PPM1A: variants seen among roughly 807,000 people sequenced by gnomAD.
PPM1A encodes protein phosphatase 1A.
Under a neutral mutation model 35.0 loss-of-function variants are expected in PPM1A, and 7 were observed. The observed-to-expected ratio is 0.20, with a 90% CI of 0.11 to 0.38. The LOEUF (loss-of-function observed/expected upper bound fraction) is 0.38. PPM1A is among the 10% of genes least tolerant of loss of function. The pLI is 1.00. For synonymous variants in PPM1A, 153 were observed against 167.3 expected (o/e 0.91, Z 0.66); for missense variants, 239 against 467.8 (o/e 0.51, Z 4.51).
At chr14:60,255,842 T>G (rs1883063513) in intron 1 of PPM1A, among the ~76,000 whole-genome samples, 1 of 152,256 alleles carries the variant, frequency 6.6e-6, no homozygotes, top group Non-Finnish European at 1.5e-5. Context: ...AAGCTTCATT[T>G]TAACTTCCTA....
intron 1 of PPM1A, among the ~76,000 whole-genome samples, chr14:60,256,377 G>A (rs1034445539): frequency 4.6e-5 from 7 of 152,148 alleles, no homozygotes; most frequent in Non-Finnish European, 7.3e-5. Context: ...AGGTTGCAGT[G>A]AGCCAAGATT....
In PPM1A at chr14:60,295,657, A is replaced by G. The variant is rs1888001538; in HGVS notation, c.*3175A>G. 1 of 151,702 alleles carries G rather than the reference A, an allele frequency of 6.6e-6. No individual in the cohort carries two copies. Among genetic ancestry groups the G allele is most frequent in the Non-Finnish European group, 1.5e-5 (1 of 67,692 alleles). 9.4% of individuals were successfully genotyped at this position (151,702 alleles called of 1,614,324 possible). On this transcript the variant is annotated 3_prime_UTR_variant, in exon 6 of 6. Transcript: ENST00000395076. ...TAAAACACTGTTCTAGGCTAAGCAC[A>G]TTGGGACTGTAAAGAAATGAGTAGA...
chr14:60,253,591 A>G (rs562206506), intron 1 of PPM1A, among the ~76,000 whole-genome samples: 8 of 152,316 alleles, frequency 5.3e-5, no homozygotes, highest in South Asian at 2.1e-4. Flanking sequence ...AAGCAAGTCC[A>G]TGTTAGTTTA....
intron 1 of PPM1A, among the ~76,000 whole-genome samples, chr14:60,259,030 A>G (rs767471130): frequency 3.9e-5 from 6 of 152,124 alleles, no homozygotes; most frequent in Admixed American, 3.9e-4. Context: ...AGGTGTGGCT[A>G]TTCAAGTATA....
At chr14:60,257,541 TAAAC>T (rs1388887395) in intron 1 of PPM1A, among the ~76,000 whole-genome samples, 1 of 152,236 alleles carries the variant, frequency 6.6e-6, no homozygotes, top group Non-Finnish European at 1.5e-5. Context: ...GGGATGTAAG[TAAAC>T]ATTCTTTTTT....
At chr14:60,281,920 T>C (rs921615815) in intron 1 of PPM1A, among the ~76,000 whole-genome samples, 7 of 152,252 alleles carry the variant, frequency 4.6e-5, no homozygotes, top group African/African-American at 1.7e-4. Flanking sequence ...AATTTTGTTA[T>C]ATATGTATAC....
chr14:60,256,417 G>A (rs1485313550), intron 1 of PPM1A, among the ~76,000 whole-genome samples: 2 of 151,906 alleles, frequency 1.3e-5, no homozygotes, highest in East Asian at 3.8e-4. Context: ...TGGCAACAGA[G>A]CAAGACATCG....
intron 5 of PPM1A, 128 bp downstream of exon 5, chr14:60,291,582 G>A: frequency 1.6e-6 from 1 of 625,432 alleles, no homozygotes; most frequent in Non-Finnish European, 2.5e-6. Context: ...TGATTGCTCT[G>A]AACTCTGCTT....
upstream of PPM1A, chr14:60,246,108 G>A: frequency 6.9e-7 from 1 of 1,440,200 alleles, no homozygotes; most frequent in Non-Finnish European, 9.3e-7. Flanking sequence ...CTCTTGAGTA[G>A]TGACTGGCTT....
intron 1 of PPM1A, among the ~76,000 whole-genome samples, chr14:60,252,627 AT>A (rs1421793096): frequency 6.6e-6 from 1 of 152,172 alleles, no homozygotes; most frequent in Non-Finnish European, 1.5e-5. Flanking sequence ...CAAATAACAA[AT>A]TTTAAAATTA....
chr14:60,281,219 A>C (rs1318692016), intron 1 of PPM1A, among the ~76,000 whole-genome samples: 1 of 152,200 alleles, frequency 6.6e-6, no homozygotes, highest in Non-Finnish European at 1.5e-5. Context: ...TCAGAAAAAT[A>C]ATCTGATAAA....
Position 60,255,575 on chromosome 14 carries a change from G to A in PPM1A, c.-21+5898G>A, listed in dbSNP as rs543207327. Among the ~76,000 whole-genome samples the A allele has an allele frequency of 2.6e-3, 402 of 152,312 alleles. 1 individual carries two copies. Among genetic ancestry groups the A allele is most frequent in the African/African-American group, 9.4e-3 (391 of 41,562 alleles). On this transcript the variant is annotated intron_variant, in intron 1 of 5. Coordinates refer to ENST00000395076, the MANE Select transcript of PPM1A (RefSeq NM_021003.5). ...TACTTTACACAAAGGCTAGCGGCTA[G>A]CACAGTGCTTTATGGATAGTAGACA... is the stretch of plus-strand genomic sequence containing the variant.
intron 2 of PPM1A, among the ~76,000 whole-genome samples, chr14:60,284,497 C>A (rs1049564047): frequency 1.2e-3 from 188 of 151,996 alleles, no homozygotes; most frequent in Middle Eastern, 6.8e-3. Context: ...AAAAAATTAG[C>A]CGGGTGTGGT....
rs773754539 is a variant in PPM1A at position 60,283,546 on chromosome 14, AC to A, written c.834+10del. 1 of 1,586,762 alleles carries A rather than the reference AC, an allele frequency of 6.3e-7. No homozygotes were observed. The highest frequency in any genetic ancestry group is 1.4e-5 in the African/African-American group (1 of 73,240). On this transcript the variant is annotated intron_variant, in intron 2 of 5. Coordinates refer to ENST00000395076, the MANE Select transcript of PPM1A (RefSeq NM_021003.5). The surrounding 1 kb of genome is among the most constrained non-coding windows in gnomAD (Gnocchi z 6.3). ...ACACCTGTTTGTATAAGGTAGCTAG[AC>A]TTTTTTTAAAAACATAAAATGATTT...
chr14:60,246,188 T>C (rs1365291701), upstream of PPM1A: 24 of 832,522 alleles, frequency 2.9e-5, no homozygotes, highest in Non-Finnish European at 3.5e-5. Context: ...CATTACTGCA[T>C]ATATTTTGAG....
At chr14:60,277,492 G>T (rs1351275263) in intron 1 of PPM1A, 1 of 151,836 alleles carries the variant, frequency 6.6e-6, no homozygotes, top group Non-Finnish European at 1.5e-5. Context: ...TGGTTACTTG[G>T]TTTGTTACAT....
In PPM1A at chr14:60,265,047, T is replaced by C. The variant is rs181419748; in HGVS notation, c.-21+15370T>C. 2.6e-5 allele frequency among the ~76,000 whole-genome samples: 4 copies of C among 152,320 alleles called. No homozygotes were observed. The East Asian group carries it at 7.7e-4, about 29-fold the overall frequency. ...TGCAGTCTCCTATTGACTGGAAGTT[T>C]TTGTTGTGTTTTCTTTTTCACTCTT... On this transcript the variant is annotated intron_variant, in intron 1 of 5. Transcript: ENST00000395076.
upstream of PPM1A, among the ~76,000 whole-genome samples, chr14:60,248,153 A>G (rs1458924605): frequency 6.6e-6 from 1 of 152,146 alleles, no homozygotes; most frequent in Non-Finnish European, 1.5e-5. Context: ...TTGTCATTCT[A>G]TCCCCGGCGT....
In PPM1A at chr14:60,289,707, G is replaced by A. The variant is rs1887424236; in HGVS notation, c.953-99G>A. On this transcript the variant is annotated intron_variant, in intron 3 of 5. Transcript: ENST00000395076. The surrounding 1 kb of genome is among the most constrained non-coding windows in gnomAD (Gnocchi z 4.1). ...ACCAGATTAGAAAAATCTCAGATGT[G>A]GTAAATGCCATCTTTAAAAAGCTAG... 4 of 725,836 alleles carry A rather than the reference G, an allele frequency of 5.5e-6. No homozygotes were observed. Among genetic ancestry groups the A allele is most frequent in the Non-Finnish European group, 9.3e-6 (4 of 432,402 alleles). The allele number at this position is 725,836 out of a possible 1,614,324, so 45.0% of individuals were successfully genotyped here. A position where few individuals can be genotyped will look rare whatever the true frequency, so the allele number is the denominator to read the frequency against.
Sources: allele counts gnomAD v4.1 joint callset (sites outside exome capture counted in the v4.1 genomes callset), GRCh38; gene constraint gnomAD v4.1.1; non-coding constraint Gnocchi (gnomAD v3.1); transcripts MANE v1.5; gene names NCBI Gene and HGNC (gene_info 2026-07-23, HGNC 2026-07-21).